The following LTN1 variants were observed in gnomAD, a reference collection of about 807,000 sequenced individuals.
LTN1 encodes the protein listerin E3 ubiquitin protein ligase 1.
A neutral mutation model predicts 201.2 loss-of-function variants in LTN1; 88 were observed. The ratio of observed to expected loss-of-function variants is 0.44; its 90% CI spans 0.37 to 0.52. The LOEUF is 0.52. Among genes scored for constraint, LTN1 ranks in the 20% least tolerant of loss-of-function variants. The pLI is 0.00. For synonymous variants in LTN1, 645 were observed against 713.5 expected (o/e 0.90, Z 1.53); for missense variants, 1,752 against 2,038.7 (o/e 0.86, Z 2.71).
chr21:28,934,618 C>T (rs1177057889), intron 27 of LTN1, among the ~76,000 whole-genome samples: 2 of 152,158 alleles, frequency 1.3e-5, no homozygotes, highest in African/African-American at 2.4e-5. Context: ...CCACGCATGG[C>T]TAATTTTTAT....
At chr21:28,981,876 A>G (rs1167854996) in intron 5 of LTN1, among the ~76,000 whole-genome samples, 1 of 152,218 alleles carries the variant, frequency 6.6e-6, no homozygotes, top group Non-Finnish European at 1.5e-5. Context: ...CACATACAGC[A>G]TTATGTTATT....
chr21:28,961,804 T>C (rs1381120790), intron 11 of LTN1, among the ~76,000 whole-genome samples: 6 of 152,158 alleles, frequency 3.9e-5, no homozygotes, highest in African/African-American at 1.4e-4. Context: ...AAGATGACTT[T>C]AAGACCAGCC....
chr21:28,946,006 G>C, intron 20 of LTN1, 55 bp from the exon 21 acceptor site: 1 of 1,494,886 alleles, frequency 6.7e-7, no homozygotes, highest in Non-Finnish European at 9.1e-7. Context: ...CATTCAATTA[G>C]AAAGTATGCT....
At chr21:28,964,681 C>G in intron 11 of LTN1, 1 of 1,550,480 alleles carries the variant, frequency 6.4e-7, no homozygotes. Flanking sequence ...GCAGCAAACA[C>G]TGGCTAGGAA....
intron 4 of LTN1, among the ~76,000 whole-genome samples, chr21:28,984,147 C>A (rs2084679276): frequency 6.6e-6 from 1 of 151,934 alleles, no homozygotes; most frequent in African/African-American, 2.4e-5. Context: ...ACTAGAAGTT[C>A]TAGTAAGTAT....
At chr21:28,970,825 A>C in intron 7 of LTN1, 83 bp from the exon 8 acceptor site, 2 of 1,063,092 alleles carry the variant, frequency 1.9e-6, no homozygotes, top group Non-Finnish European at 2.6e-6. Context: ...ATAGGCTCTC[A>C]AAAAGAAAAA....
In LTN1 at chr21:28,946,306, T is replaced by C; in HGVS notation, c.3488-19A>G. 6.6e-7 allele frequency: 1 copy of C among 1,520,410 alleles called. No individual in the cohort carries two copies. The highest frequency in any genetic ancestry group is 8.8e-7 in the Non-Finnish European group (1 of 1,137,698). The allele number at this position is 1,520,410 out of a possible 1,614,324, so 94.2% of individuals were successfully genotyped here. A position where few individuals can be genotyped will look rare whatever the true frequency, so the allele number is the denominator to read the frequency against. ...AAACCTCCTAAAGTAAAATTCAAAA[T>C]GAAAATTAAAAATATTTAAGAACTA... On this transcript the variant is annotated intron_variant, in intron 19 of 29. Transcript: ENST00000361371.
intron 11 of LTN1, chr21:28,964,753 C>A (rs765528149): frequency 6.5e-7 from 1 of 1,549,786 alleles, no homozygotes; most frequent in African/African-American, 1.4e-5. Flanking sequence ...TTGCACTTCA[C>A]GGCAGGTACA....
intron 1 of LTN1, among the ~76,000 whole-genome samples, chr21:28,990,955 G>A (rs2084740254): frequency 1.3e-5 from 2 of 151,428 alleles, no homozygotes. Flanking sequence ...GTCCCAGCCT[G>A]GGCAACATGG....
Position 28,941,213 on chromosome 21 carries a change from T to C in LTN1, c.4482+7A>G. The C allele has an allele frequency of 6.2e-7, 1 of 1,602,244 alleles. No homozygotes were observed. The highest frequency in any genetic ancestry group is 1.1e-5 in the South Asian group (1 of 90,188). ...GAACTATCGAAAGTTGTCACATATTTATTTACCTGTGATGATGCAGCTTTG... is the reference window on the plus strand; with the variant it reads ...GAACTATCGAAAGTTGTCACATATTCATTTACCTGTGATGATGCAGCTTTG... On this transcript the variant is annotated splice_region_variant and intron_variant, in intron 25 of 29. Transcript: ENST00000361371.
chr21:28,984,829 A>C lies in LTN1; in HGVS notation c.439T>G (p.Leu147Val). 1 of 1,614,150 alleles carries C rather than the reference A, an allele frequency of 6.2e-7. No homozygotes were observed. Among genetic ancestry groups the C allele is most frequent in the Non-Finnish European group, 8.5e-7 (1 of 1,179,998 alleles). ...TGAGCCATTAGCCAATATCCCATTA[A>C]ACTTTTTAAGTAGGGAGCCAACTGT... ...KKQLAPYLKS[L>V]MGYWLMAQCD... Residue 147 changes from leucine to valine, a missense_variant, in exon 4 of 30, where the codon TTA (leucine) becomes GTA (valine). Coordinates refer to ENST00000361371, the MANE Select transcript of LTN1 (RefSeq NM_015565.3).
Position 28,959,574 on chromosome 21 carries a change from A to G in LTN1, c.2477T>C (p.Val826Ala), listed in dbSNP as rs1299898907. 1 of 1,613,978 alleles carries G rather than the reference A, an allele frequency of 6.2e-7. No individual in the cohort carries two copies. Among genetic ancestry groups the G allele is most frequent in the African/African-American group, 1.3e-5 (1 of 74,930 alleles). The change falls in exon 13 of 30, where the codon GTG (valine) becomes GCG (alanine). Residue 826 changes from valine (V) to alanine (A), a missense_variant. Around this residue, in one of 3 missense-constraint regions of LTN1, gnomAD observed 1,211 missense variants for 1,312.8 expected, o/e 0.92. Coordinates refer to ENST00000361371, the MANE Select transcript of LTN1 (RefSeq NM_015565.3). ...CGCTGAGCTGAAATAGTTATAGGCC[A>G]CATCACAGATAAAAGACACTGATGA... ...SDSSVSFICDVAYNYFSSAKG... is the reference protein window; with the variant it reads ...SDSSVSFICDAAYNYFSSAKG...
At chr21:28,962,013 C>CAA (rs140640474) in intron 11 of LTN1, among the ~76,000 whole-genome samples, 19 of 145,814 alleles carry the variant, frequency 1.3e-4, no homozygotes, top group East Asian at 4.0e-4. Context: ...GCCTCTGTCT[C>CAA]AAAAAAAAAA....
chr21:28,956,198 G>A (rs1202127745), intron 16 of LTN1, among the ~76,000 whole-genome samples: 1 of 152,038 alleles, frequency 6.6e-6, no homozygotes, highest in Non-Finnish European at 1.5e-5. Flanking sequence ...ATATGACCTA[G>A]TATTCAATAA....
intron 6 of LTN1, among the ~76,000 whole-genome samples, chr21:28,976,826 A>G (rs960547596): frequency 6.6e-6 from 1 of 152,106 alleles, no homozygotes; most frequent in African/African-American, 2.4e-5. Flanking sequence ...GTGCAATCAA[A>G]GCTCACTGCA....
intron 18 of LTN1, among the ~76,000 whole-genome samples, chr21:28,949,726 A>G (rs935140341): frequency 5.3e-5 from 8 of 152,096 alleles, no homozygotes; most frequent in Non-Finnish European, 1.5e-5. Flanking sequence ...CCACACTTTT[A>G]TTTATCCATT....
At chr21:28,974,773 T>C (rs543466828) in intron 6 of LTN1, among the ~76,000 whole-genome samples, 1 of 152,312 alleles carries the variant, frequency 6.6e-6, no homozygotes, top group South Asian at 2.1e-4. Context: ...CTCTGAACCA[T>C]GCATGTGCAC....
chr21:28,955,589 A>G (rs1305304313), intron 16 of LTN1, among the ~76,000 whole-genome samples: 1 of 152,064 alleles, frequency 6.6e-6, no homozygotes, highest in East Asian at 1.9e-4. Context: ...TGGATATATA[A>G]AATGTGGTAC....
chr21:28,965,143 TG>T (rs1331592608), intron 11 of LTN1, among the ~76,000 whole-genome samples: 1 of 152,152 alleles, frequency 6.6e-6, no homozygotes, highest in Non-Finnish European at 1.5e-5. Context: ...TCATGCTATG[TG>T]TTTTTTTTAC....
Sources: gnomAD v4.1 joint callset for allele counts (sites outside exome capture counted in the v4.1 genomes callset) on GRCh38, gnomAD v4.1.1 for gene constraint, gnomAD v4.1.1 regional missense constraint, MANE v1.5 for transcripts, NCBI Gene and HGNC (gene_info 2026-07-23, HGNC 2026-07-21) for gene names.